SPIDR: variants seen among roughly 807,000 people sequenced by gnomAD.
The protein encoded by SPIDR is scaffold protein involved in DNA repair.
In SPIDR, 93 loss-of-function variants were observed where a neutral mutation model predicts 104.6. The observed-to-expected ratio is 0.89, with a 90% CI of 0.75 to 1.06. SPIDR has a LOEUF of 1.06. Ranked by LOEUF, SPIDR falls within the 50% of genes least tolerant of loss-of-function variation. The pLI, the probability that SPIDR is intolerant of heterozygous loss-of-function variation, is 0.00. For synonymous variants in SPIDR, 431 were observed against 416.9 expected (o/e 1.03, Z -0.41); for missense variants, 1,154 against 1,111.2 (o/e 1.04, Z -0.55).
chr8:47,419,897 A>C (rs1298226982), intron 7 of SPIDR, among the ~76,000 whole-genome samples: 1 of 151,960 alleles, frequency 6.6e-6, no homozygotes, highest in Non-Finnish European at 1.5e-5. Flanking sequence ...ATTCAGGAGC[A>C]GGTTGTTCAG....
intron 10 of SPIDR, among the ~76,000 whole-genome samples, chr8:47,599,587 C>A (rs1229469010): frequency 6.6e-6 from 1 of 152,122 alleles, no homozygotes; most frequent in Non-Finnish European, 1.5e-5. Context: ...AATTGGTAAA[C>A]CTGTGGCTTT....
At chr8:47,700,305 TTAG>T in intron 11 of SPIDR, 95 bp from the exon 12 acceptor site, 1 of 1,221,006 alleles carries the variant, frequency 8.2e-7, no homozygotes, top group Non-Finnish European at 1.2e-6. Context: ...TTCCATGGCC[TTAG>T]GCATTAGAGT....
intron 8 of SPIDR, among the ~76,000 whole-genome samples, chr8:47,448,432 T>C (rs1180859222): frequency 2.0e-5 from 3 of 152,244 alleles, no homozygotes; most frequent in Admixed American, 1.3e-4. Flanking sequence ...TAATAAGCCT[T>C]GTACTAGAAT....
intron 5 of SPIDR, among the ~76,000 whole-genome samples, chr8:47,368,849 A>G (rs1587799744): frequency 6.6e-6 from 1 of 152,222 alleles, no homozygotes; most frequent in Non-Finnish European, 1.5e-5. Context: ...GGAAATAAAT[A>G]GGTGAGATAC....
intron 11 of SPIDR, among the ~76,000 whole-genome samples, chr8:47,681,073 A>C (rs182243789): frequency 6.6e-6 from 1 of 152,152 alleles, no homozygotes; most frequent in Non-Finnish European, 1.5e-5. Context: ...AAAAAACAAA[A>C]AGAGAGAGAG....
intron 8 of SPIDR, among the ~76,000 whole-genome samples, chr8:47,491,568 T>A (rs562120175): frequency 6.6e-6 from 1 of 151,858 alleles, no homozygotes; most frequent in African/African-American, 2.4e-5. Context: ...CTACCTGAGG[T>A]AGCCACCAAA....
At chr8:47,489,612 C>T (rs1054410148) in intron 8 of SPIDR, among the ~76,000 whole-genome samples, 1 of 152,170 alleles carries the variant, frequency 6.6e-6, no homozygotes, top group African/African-American at 2.4e-5. Flanking sequence ...TACTACAAGG[C>T]TACAGTAACC....
intron 8 of SPIDR, among the ~76,000 whole-genome samples, chr8:47,481,657 G>T (rs1299869569): frequency 6.6e-6 from 1 of 152,112 alleles, no homozygotes; most frequent in Non-Finnish European, 1.5e-5. Flanking sequence ...AATGACTATG[G>T]ACAGAATGAA....
At chr8:47,732,306 T>C in intron 19 of SPIDR, 1 of 665,202 alleles carries the variant, frequency 1.5e-6, no homozygotes, top group South Asian at 1.7e-5. Context: ...GTGTGCACAT[T>C]TATGCAGTAT....
At chr8:47,363,116 C>T (rs1001590777) in intron 5 of SPIDR, among the ~76,000 whole-genome samples, 2 of 151,964 alleles carry the variant, frequency 1.3e-5, no homozygotes, top group African/African-American at 2.4e-5. Context: ...TCCACAGAGT[C>T]CCCTAGACGA....
intron 5 of SPIDR, among the ~76,000 whole-genome samples, chr8:47,392,596 T>C (rs2060731244): frequency 6.6e-6 from 1 of 152,232 alleles, no homozygotes; most frequent in South Asian, 2.1e-4. Context: ...TATGGGTTGA[T>C]GCTGAGAATT....
At chr8:47,391,401 A>G (rs1281139431) in intron 5 of SPIDR, among the ~76,000 whole-genome samples, 3 of 151,832 alleles carry the variant, frequency 2.0e-5, no homozygotes, top group Non-Finnish European at 4.4e-5. Context: ...ATAGCCAGGT[A>G]TGGTGGCACA....
intron 16 of SPIDR, among the ~76,000 whole-genome samples, chr8:47,723,860 T>C (rs2154492639): frequency 6.6e-6 from 1 of 152,306 alleles, no homozygotes; most frequent in African/African-American, 2.4e-5. Flanking sequence ...TATCAGAGTG[T>C]TCCTGATTTC....
At chr8:47,504,446 A>G (rs1383422139) in intron 8 of SPIDR, among the ~76,000 whole-genome samples, 3 of 151,868 alleles carry the variant, frequency 2.0e-5, no homozygotes, top group Non-Finnish European at 4.4e-5. Flanking sequence ...AGGCTTGTGC[A>G]TTTGTCACAT....
chr8:47,516,451 C>G (rs1300540847), intron 8 of SPIDR, among the ~76,000 whole-genome samples: 2 of 152,122 alleles, frequency 1.3e-5, no homozygotes, highest in Admixed American at 1.3e-4. Context: ...CCCACAAGTC[C>G]CTAGCAACCT....
At chr8:47,438,145 G>A (rs1435884487) in intron 7 of SPIDR, among the ~76,000 whole-genome samples, 2 of 152,186 alleles carry the variant, frequency 1.3e-5, no homozygotes, top group Non-Finnish European at 2.9e-5. Context: ...GCCACAGTGC[G>A]CAGAACCAAG....
rs930250917 is a variant in SPIDR at position 47,314,772 on chromosome 8, C to T, written c.525+20742C>T. Among the ~76,000 whole-genome samples the T allele has an allele frequency of 1.3e-5, 2 of 152,104 alleles. 1 individual carries two copies. The highest frequency in any genetic ancestry group is 6.3e-3 in the Middle Eastern group (2 of 316). ...GGATGTAAAGAAAACAAATAGCAAA[C>T]TTACAAACCTAGGTCAGGTCTATGA... On this transcript the variant is annotated intron_variant, in intron 5 of 19. Coordinates refer to ENST00000297423, the MANE Select transcript of SPIDR (RefSeq NM_001080394.4).
intron 8 of SPIDR, among the ~76,000 whole-genome samples, chr8:47,487,113 G>C (rs565571996): frequency 1.6e-3 from 250 of 152,296 alleles, no homozygotes; most frequent in African/African-American, 5.8e-3. Flanking sequence ...CCCATCTGAT[G>C]TGCAGAGACA....
intron 7 of SPIDR, among the ~76,000 whole-genome samples, chr8:47,432,104 G>A (rs1054902915): frequency 4.6e-5 from 7 of 152,068 alleles, no homozygotes; most frequent in Admixed American, 6.6e-5. Context: ...ACTTTAACAG[G>A]TATTTACTTA....
Sources: allele counts gnomAD v4.1 joint callset (sites outside exome capture counted in the v4.1 genomes callset), GRCh38; gene constraint gnomAD v4.1.1; transcripts MANE v1.5; gene names NCBI Gene and HGNC (gene_info 2026-07-23, HGNC 2026-07-21).